Variants in CFAP299 observed in about 807,000 individuals in gnomAD.
CFAP299 encodes the protein cilia- and flagella-associated protein 299.
CFAP299 carries 21 observed loss-of-function variants against 27.0 expected under a neutral mutation model. The ratio of observed to expected loss-of-function variants is 0.78; its 90% CI spans 0.55 to 1.12. The LOEUF is 1.12. Ranked by LOEUF, CFAP299 falls within the 50% of genes most tolerant of loss-of-function variation. The probability of loss-of-function intolerance (pLI) is 0.00; values close to 1 mark genes in which losing one functional copy is unlikely to be tolerated. For missense variants in CFAP299, 310 were observed against 276.6 expected (o/e 1.12, Z -0.86); for synonymous variants, 104 against 98.1 (o/e 1.06, Z -0.36).
At chr4:80,806,591 C>T (rs1043931754) in intron 3 of CFAP299, among the ~76,000 whole-genome samples, 2 of 152,188 alleles carry the variant, frequency 1.3e-5, no homozygotes, top group African/African-American at 4.8e-5. Flanking sequence ...ATTCAATTTG[C>T]AGTGTCATTG....
chr4:80,782,507 T>C (rs113690628), intron 3 of CFAP299, among the ~76,000 whole-genome samples: 8 of 146,366 alleles, frequency 5.5e-5, no homozygotes, highest in African/African-American at 2.0e-4. Flanking sequence ...TATATATTAA[T>C]ATATAACATA....
chr4:80,795,912 A>G (rs1727832023), intron 3 of CFAP299, among the ~76,000 whole-genome samples: 1 of 152,140 alleles, frequency 6.6e-6, no homozygotes, highest in South Asian at 2.1e-4. Flanking sequence ...CCTGTGATTC[A>G]TGTATGGGGA....
At chr4:80,865,958 T>C (rs1337891330) in intron 3 of CFAP299, among the ~76,000 whole-genome samples, 1 of 144,834 alleles carries the variant, frequency 6.9e-6, no homozygotes, top group African/African-American at 2.5e-5. Flanking sequence ...TTAGGAGATA[T>C]ACCTAAGGTA....
intron 1 of CFAP299, among the ~76,000 whole-genome samples, chr4:80,356,603 C>T (rs974758675): frequency 1.3e-5 from 2 of 151,834 alleles, no homozygotes; most frequent in African/African-American, 4.8e-5. Flanking sequence ...GGCAATAGTG[C>T]ATGGGAGTAC....
chr4:80,442,631 A>T (rs1351578848), intron 2 of CFAP299, among the ~76,000 whole-genome samples: 1 of 152,118 alleles, frequency 6.6e-6, no homozygotes, highest in Non-Finnish European at 1.5e-5. Context: ...ATTAAAAGTC[A>T]ACTAGAGAAA....
intron 3 of CFAP299, among the ~76,000 whole-genome samples, chr4:80,838,203 T>C (rs1730671909): frequency 6.6e-6 from 1 of 152,206 alleles, no homozygotes; most frequent in Non-Finnish European, 1.5e-5. Context: ...TTTCTCCCAT[T>C]CTGTAGGTTG....
intron 3 of CFAP299, among the ~76,000 whole-genome samples, chr4:80,846,882 G>A (rs1051823599): frequency 3.3e-5 from 5 of 152,134 alleles, no homozygotes; most frequent in African/African-American, 9.7e-5. Flanking sequence ...GCCCGCTACT[G>A]AGAATGCCTC....
At chr4:80,523,105 T>C (rs1256932999) in intron 2 of CFAP299, among the ~76,000 whole-genome samples, 1 of 152,192 alleles carries the variant, frequency 6.6e-6, no homozygotes, top group Non-Finnish European at 1.5e-5. Flanking sequence ...ATTTTAACAA[T>C]ATTAAGTCTT....
intron 2 of CFAP299, among the ~76,000 whole-genome samples, chr4:80,412,770 A>T (rs772891074): frequency 6.6e-6 from 1 of 152,198 alleles, no homozygotes; most frequent in East Asian, 1.9e-4. Context: ...ACACACACAC[A>T]CATACCTATT....
intron 2 of CFAP299, among the ~76,000 whole-genome samples, chr4:80,452,901 C>T (rs986051822): frequency 6.6e-6 from 1 of 152,092 alleles, no homozygotes; most frequent in African/African-American, 2.4e-5. Context: ...ATGATGTTTG[C>T]ATTAGTTAAG....
At chr4:80,748,807 G>T (rs1229292736) in intron 3 of CFAP299, among the ~76,000 whole-genome samples, 1 of 152,122 alleles carries the variant, frequency 6.6e-6, no homozygotes, top group Non-Finnish European at 1.5e-5. Context: ...CTGACATAAA[G>T]ATTATTTGTT....
chr4:80,943,786 G>T (rs1245786492), intron 4 of CFAP299, among the ~76,000 whole-genome samples: 2 of 152,040 alleles, frequency 1.3e-5, no homozygotes, highest in Non-Finnish European at 2.9e-5. Flanking sequence ...AAAATAAAAT[G>T]GGCTGGGCAT....
chr4:80,612,330 T>G (rs1738025773), intron 3 of CFAP299, among the ~76,000 whole-genome samples: 1 of 152,040 alleles, frequency 6.6e-6, no homozygotes, highest in Non-Finnish European at 1.5e-5. Flanking sequence ...AATTTGTCAC[T>G]AAACTAAAAA....
intron 3 of CFAP299, among the ~76,000 whole-genome samples, chr4:80,762,689 T>A (rs1725603268): frequency 6.6e-6 from 1 of 152,136 alleles, no homozygotes; most frequent in African/African-American, 2.4e-5. Context: ...CTTCAGTTAT[T>A]GGGGATATGA....
intron 3 of CFAP299, among the ~76,000 whole-genome samples, chr4:80,702,878 T>G (rs1347408571): frequency 6.6e-6 from 1 of 151,736 alleles, no homozygotes; most frequent in Non-Finnish European, 1.5e-5. Context: ...TTGGAAAAGA[T>G]GACATAGTGA....
rs146504335 is a variant in CFAP299, at chr4:80,779,002, A to G, written c.334-90991A>G. Among the ~76,000 whole-genome samples, 449 of 152,202 alleles carry G rather than the reference A, an allele frequency of 3.0e-3. 2 individuals carry two copies. The highest frequency in any genetic ancestry group is 4.8e-3 in the Admixed American group (73 of 15,244). ...AAATAATAGCTAACATGTATTTACTATTTATTATATACCCAACAGTTTTCT... is the reference window on the plus strand; with the variant it reads ...AAATAATAGCTAACATGTATTTACTGTTTATTATATACCCAACAGTTTTCT... On this transcript the variant is annotated intron_variant, in intron 3 of 5. Coordinates refer to ENST00000358105, the MANE Select transcript of CFAP299 (RefSeq NM_152770.3).
At chr4:80,736,305 G>A (rs1578073957) in intron 3 of CFAP299, among the ~76,000 whole-genome samples, 1 of 152,038 alleles carries the variant, frequency 6.6e-6, no homozygotes, top group Non-Finnish European at 1.5e-5. Context: ...CATATGGCTA[G>A]CCAGTTTTCC....
At chr4:80,567,731 T>TTATATATATATATATATATA (rs10605376) in intron 2 of CFAP299, among the ~76,000 whole-genome samples, 101 of 148,814 alleles carry the variant, frequency 6.8e-4, no homozygotes, top group African/African-American at 2.4e-3. Flanking sequence ...TCTAATGTAT[T>TTATATATATATATATATATA]TATATATATA....
chr4:80,795,771 T>C (rs1727820314), intron 3 of CFAP299, among the ~76,000 whole-genome samples: 2 of 152,174 alleles, frequency 1.3e-5, no homozygotes, highest in Non-Finnish European at 2.9e-5. Context: ...GGTCGCATGG[T>C]GACTTGATGA....
Sources: gnomAD v4.1 joint callset for allele counts (sites outside exome capture counted in the v4.1 genomes callset) on GRCh38, gnomAD v4.1.1 for gene constraint, MANE v1.5 for transcripts, NCBI Gene and HGNC (gene_info 2026-07-23, HGNC 2026-07-21) for gene names.